The following NMD3 variants were observed in gnomAD, a reference collection of about 807,000 sequenced individuals.
NMD3 encodes the protein 60S ribosomal export protein NMD3.
Under a neutral mutation model 73.1 loss-of-function variants are expected in NMD3, and 47 were observed. The ratio of observed to expected loss-of-function variants is 0.64; its 90% confidence interval spans 0.51 to 0.82. The LOEUF (loss-of-function observed/expected upper bound fraction) is 0.82. Among genes scored for constraint, NMD3 ranks in the 40% least tolerant of loss-of-function variants. The pLI, the probability that NMD3 is intolerant of heterozygous loss-of-function variation, is 0.00. For missense variants in NMD3, 554 were observed against 612.5 expected, an observed-to-expected ratio of 0.90 and a Z score of 1.01; for synonymous variants, 210 against 194.5, an observed-to-expected ratio of 1.08 and a Z score of -0.66.
At chr3:161,238,935 A>C in intron 9 of NMD3, 109 bp downstream of exon 9, 1 of 560,326 alleles carries the variant, frequency 1.8e-6, no homozygotes, top group Non-Finnish European at 3.2e-6. Flanking sequence ...TTAAAAATTT[A>C]GAATAAGTTC....
At position 161,250,743 on chromosome 3, in the gene NMD3, ACTTTGTATTTATTTTATTCT is replaced by A; in HGVS notation, c.1382-26_1382-7del. On this transcript the variant is annotated splice_polypyrimidine_tract_variant and intron_variant, in intron 15 of 15. Transcript: ENST00000351193. ...TTTAATACTTTGTATACATATAAAT[ACTTTGTATTTATTTTATTCT>A]CTTTGTATTTTTTTAGATTCAGCCA... The A allele has an allele frequency of 1.5e-6, 2 of 1,360,406 alleles. No individual in the cohort carries two copies. The highest frequency in any genetic ancestry group is 2.1e-6 in the Non-Finnish European group (2 of 972,474). 84.3% of individuals were successfully genotyped at this position (1,360,406 alleles called of 1,614,324 possible).
chr3:161,229,881 CT>C (rs1308806576), intron 4 of NMD3, among the ~76,000 whole-genome samples: 1 of 152,090 alleles, frequency 6.6e-6, no homozygotes, highest in Non-Finnish European at 1.5e-5. Flanking sequence ...TGATTTGCAG[CT>C]GATGAGTCAA....
At chr3:161,228,126 CTA>C (rs1386358762) in intron 4 of NMD3, among the ~76,000 whole-genome samples, 3 of 152,134 alleles carry the variant, frequency 2.0e-5, no homozygotes, top group African/African-American at 7.2e-5. Context: ...GTGATTGACA[CTA>C]TGAGTTTTCT....
intron 3 of NMD3, among the ~76,000 whole-genome samples, chr3:161,226,767 A>T (rs974690816): frequency 1.3e-5 from 2 of 152,234 alleles, no homozygotes; most frequent in African/African-American, 4.8e-5. Context: ...TTGTTTTACA[A>T]TTTACAATTT....
chr3:161,223,507 T>TA (rs397750421), intron 2 of NMD3, among the ~76,000 whole-genome samples: 4 of 151,846 alleles, frequency 2.6e-5, no homozygotes, highest in Admixed American at 6.6e-5. Flanking sequence ...TTTTTTTTTT[T>TA]AATTGCCTTT....
In NMD3 at chr3:161,227,342, A is replaced by G; in HGVS notation, c.275A>G (p.Lys92Arg). 6.3e-7 allele frequency: 1 copy of G among 1,593,630 alleles called. No individual in the cohort carries two copies. The highest frequency in any genetic ancestry group is 8.6e-7 in the Non-Finnish European group (1 of 1,162,724). The change falls in exon 4 of 16, where the codon AAG becomes AGG. Residue 92 changes from lysine to arginine, a missense_variant and splice_region_variant. Transcript: ENST00000351193. ...AAAAAAATCAAAGCCCCTCTGAGTAAGGTAAGTTAAACAGCTAAAATCAGT... is the reference window on the plus strand; with the variant it reads ...AAAAAAATCAAAGCCCCTCTGAGTAGGGTAAGTTAAACAGCTAAAATCAGT... ...CLKKIKAPLS[K>R]VRLVDAGFVW...
intron 2 of NMD3, among the ~76,000 whole-genome samples, chr3:161,222,627 G>A (rs936586495): frequency 6.6e-6 from 1 of 150,762 alleles, no homozygotes; most frequent in African/African-American, 2.4e-5. Context: ...TAATGATACA[G>A]TGCTCTTCAA....
chr3:161,235,430 G>A lies in NMD3; in HGVS notation c.577+218G>A, dbSNP rs1007398795. On this transcript the variant is annotated intron_variant, in intron 7 of 15. Coordinates refer to ENST00000351193, the MANE Select transcript of NMD3 (RefSeq NM_015938.5). ...GTTGAGTACTTGAAATGTGGCTAGA[G>A]CAACTGAGAAACTGAATTTTTAATT... 5.7e-5 allele frequency: 18 copies of A among 317,062 alleles called. No homozygotes were observed. The East Asian group carries it at 8.7e-4, about 15-fold the overall frequency. 19.6% of individuals were successfully genotyped at this position (317,062 alleles called of 1,614,324 possible). A position where few individuals can be genotyped will look rare whatever the true frequency, so the allele number is the denominator to read the frequency against.
At chr3:161,230,861 A>G (rs1736512290) in intron 4 of NMD3, among the ~76,000 whole-genome samples, 3 of 152,176 alleles carry the variant, frequency 2.0e-5, no homozygotes, top group African/African-American at 7.2e-5. Context: ...GGCAGTAGCT[A>G]TGTGGGAAGA....
intron 13 of NMD3, among the ~76,000 whole-genome samples, chr3:161,248,299 G>A (rs1439161064): frequency 6.6e-6 from 1 of 151,842 alleles, no homozygotes. Flanking sequence ...AGACCAGCCT[G>A]GAAAACACAG....
intron 10 of NMD3, among the ~76,000 whole-genome samples, chr3:161,242,283 G>A (rs1313607885): frequency 6.6e-6 from 1 of 152,080 alleles, no homozygotes; most frequent in Non-Finnish European, 1.5e-5. Context: ...TCTGGTTATA[G>A]TAACTATTTA....
chr3:161,234,713 A>G lies in NMD3; in HGVS notation c.358-14A>G, dbSNP rs779832974. 1.9e-5 allele frequency: 30 copies of G among 1,594,686 alleles called. No homozygotes were observed. The highest frequency in any genetic ancestry group is 2.6e-5 in the Non-Finnish European group (30 of 1,169,044). ...CAAAACCAAAAGAATGAAGGAGTGT[A>G]ATTGTTTTATCAGGTGATGAATGGT... On this transcript the variant is annotated splice_polypyrimidine_tract_variant and intron_variant, in intron 5 of 15. Coordinates refer to ENST00000351193, the MANE Select transcript of NMD3 (RefSeq NM_015938.5).
chr3:161,252,711 A>T (rs1167421393), downstream of NMD3: 9 of 616,280 alleles, frequency 1.5e-5, no homozygotes, highest in African/African-American at 3.7e-5. Context: ...CAAGAACATG[A>T]TTTATAACCA....
Position 161,234,793 on chromosome 3 carries a change from GGAGATTGC to G in NMD3, c.425_432del (p.Gly142AlafsTer2). 6.2e-7 allele frequency: 1 copy of G among 1,613,258 alleles called. No homozygotes were observed. The highest frequency in any genetic ancestry group is 1.3e-5 in the African/African-American group (1 of 75,002). On this transcript the variant is annotated frameshift_variant, in exon 6 of 16. Coordinates refer to ENST00000351193, the MANE Select transcript of NMD3 (RefSeq NM_015938.5). LOFTEE classifies it high-confidence loss of function. ...TTATGTTGTTCAGTCCCAAATGTGT[GGAGATTGC>G]CATAGAGTAGAAGCTAAGGATTTCT...
rs1314456970 is a variant in NMD3 at position 161,252,067 on chromosome 3, A to T, written c.*1157A>T. On this transcript the variant is annotated 3_prime_UTR_variant, in exon 16 of 16. Transcript: ENST00000351193. ...GGACTTTCCAATTTTGAAATTATGGATAAAGTCCTAAATTTTCTATAGTGG... is the reference window on the plus strand; with the variant it reads ...GGACTTTCCAATTTTGAAATTATGGTTAAAGTCCTAAATTTTCTATAGTGG... 6.6e-6 allele frequency: 1 copy of T among 152,056 alleles called. No homozygotes were observed. Among genetic ancestry groups the T allele is most frequent in the East Asian group, 1.9e-4 (1 of 5,188 alleles). 9.4% of individuals were successfully genotyped at this position (152,056 alleles called of 1,614,324 possible).
At chr3:161,250,083 A>G (rs1737418928) in intron 14 of NMD3, among the ~76,000 whole-genome samples, 173 bp from the exon 15 acceptor site, 1 of 152,212 alleles carries the variant, frequency 6.6e-6, no homozygotes. Flanking sequence ...AAGTGGCTTT[A>G]ATGATGGTGA....
chr3:161,234,114 A>AT lies in NMD3; in HGVS notation c.358-603dup, dbSNP rs937706688. On this transcript the variant is annotated intron_variant, in intron 5 of 15. Coordinates refer to ENST00000351193, the MANE Select transcript of NMD3 (RefSeq NM_015938.5). ...TGTTTGGGAATCATTAAATTAAGGA[A>AT]TTTTTTTTTTGAGAAGTTTTCCTTA... Among the ~76,000 whole-genome samples the AT allele has an allele frequency of 9.3e-4, 139 of 150,186 alleles. 1 individual carries two copies. In the East Asian group the frequency reaches 0.016, roughly 17 times the overall value.
chr3:161,236,507 G>A (rs1286460356), intron 7 of NMD3, among the ~76,000 whole-genome samples: 1 of 152,084 alleles, frequency 6.6e-6, no homozygotes, highest in African/African-American at 2.4e-5. Context: ...CTCCTAGTGT[G>A]TAGGAGAAAA....
intron 2 of NMD3, among the ~76,000 whole-genome samples, chr3:161,222,685 C>G (rs1038218975): frequency 2.0e-5 from 3 of 152,050 alleles, no homozygotes; most frequent in Non-Finnish European, 4.4e-5. Flanking sequence ...AATCGTTCAG[C>G]ACAGACCAAT....
Sources: gnomAD v4.1 joint callset for allele counts (sites outside exome capture counted in the v4.1 genomes callset) on GRCh38, gnomAD v4.1.1 for gene constraint, MANE v1.5 for transcripts, NCBI Gene and HGNC (gene_info 2026-07-23, HGNC 2026-07-21) for gene names.